Variants in NUP93 observed in about 807,000 individuals in gnomAD.
The protein encoded by NUP93 is nuclear pore complex protein Nup93.
Under a neutral mutation model 107.8 loss-of-function variants are expected in NUP93, and 55 were observed. The observed-to-expected ratio is 0.51, with a 90% CI of 0.41 to 0.64. The LOEUF is 0.64. Among genes scored for constraint, NUP93 ranks in the 30% least tolerant of loss-of-function variants. The pLI is 0.00. For missense variants in NUP93, 937 were observed against 1,044.7 expected (o/e 0.90, Z 1.42); for synonymous variants, 390 against 397.5 (o/e 0.98, Z 0.22).
chr16:56,771,523 CCTGCCTTTCCT>C (rs1324922358), intron 3 of NUP93, among the ~76,000 whole-genome samples: 95 of 152,240 alleles, frequency 6.2e-4, no homozygotes, highest in African/African-American at 2.1e-3. Flanking sequence ...ATGTTTTGTC[CCTGCCTTTCCT>C]CTGACCATTT....
In NUP93 at chr16:56,849,917, G is replaced by A. The variant is rs1015995284; in HGVS notation, c.*5308G>A. On this transcript the variant is annotated 3_prime_UTR_variant, in exon 22 of 22. Transcript: ENST00000308159. ...GCAGGCAGCTGAGCGGGATAATGTG[G>A]GCCCCAGTTGACCTCAGTGGCTGTC... is the stretch of plus-strand genomic sequence containing the variant. 2.6e-5 allele frequency: 4 copies of A among 152,200 alleles called. No individual in the cohort carries two copies. The highest frequency in any genetic ancestry group is 5.9e-5 in the Non-Finnish European group (4 of 68,038). The allele number at this position is 152,200 out of a possible 1,614,324, so 9.4% of individuals were successfully genotyped here. A position where few individuals can be genotyped will look rare whatever the true frequency, so the allele number is the denominator to read the frequency against.
At chr16:56,750,592 A>G (rs1961899929) in intron 2 of NUP93, among the ~76,000 whole-genome samples, 1 of 152,202 alleles carries the variant, frequency 6.6e-6, no homozygotes, top group Admixed American at 6.5e-5. Flanking sequence ...ACACATGAAG[A>G]AGAGTATGCT....
intron 3 of NUP93, chr16:56,781,781 T>G (rs1299813624): frequency 1.0e-6 from 1 of 978,186 alleles, no homozygotes; most frequent in African/African-American, 1.8e-5. Context: ...AAATCTTAAC[T>G]TGGTACAGTC....
At chr16:56,822,956 A>G (rs1330859109) in intron 7 of NUP93, among the ~76,000 whole-genome samples, 1 of 152,216 alleles carries the variant, frequency 6.6e-6, no homozygotes, top group African/African-American at 2.4e-5. Context: ...TTTGCTTTGG[A>G]ACAAGTATAA....
At chr16:56,811,555 G>C (rs767060086) in intron 5 of NUP93, among the ~76,000 whole-genome samples, 9 of 151,656 alleles carry the variant, frequency 5.9e-5, no homozygotes, top group Non-Finnish European at 1.2e-4. Flanking sequence ...CTGTCACCCA[G>C]GCTGGAGTGG....
Position 56,832,319 on chromosome 16 carries a change from G to A in NUP93, c.1276G>A (p.Asp426Asn), listed in dbSNP as rs771500693. The change falls in exon 12 of 22, where the codon GAT becomes AAT. Residue 426 changes from aspartate (D) to asparagine (N), a missense_variant. Physicochemically the swap from Asp to Asn is conservative, Grantham distance 23. Transcript: ENST00000308159. ...GTTGAACCAAGTGTGTTTTGACGAC[G>A]ATGGCACCAGCTCCCCACAAGACAG... ...LKLNQVCFDD[D>N]GTSSPQDRLT... is the part of the protein sequence containing the mutation. 5 of 1,614,090 alleles carry A rather than the reference G, an allele frequency of 3.1e-6. No homozygotes were observed. The highest frequency in any genetic ancestry group is 4.5e-5 in the East Asian group (2 of 44,888).
intron 5 of NUP93, among the ~76,000 whole-genome samples, chr16:56,808,217 G>GTTATA (rs1567398425): frequency 1.4e-4 from 5 of 36,416 alleles, no homozygotes; most frequent in East Asian, 1.0e-3. Flanking sequence ...ATATAGTTAT[G>GTTATA]TAACTATATA....
intron 3 of NUP93, among the ~76,000 whole-genome samples, chr16:56,767,097 G>A (rs1962229126): frequency 6.6e-6 from 1 of 152,218 alleles, no homozygotes; most frequent in African/African-American, 2.4e-5. Context: ...GCCATGCTGG[G>A]GCTAAGGCCC....
At chr16:56,832,247 C>A in intron 11 of NUP93, 48 bp from the exon 12 acceptor site, 1 of 1,488,984 alleles carries the variant, frequency 6.7e-7, no homozygotes, top group Non-Finnish European at 9.4e-7. Context: ...GTGCATGTGG[C>A]TCAGGGTGTC....
chr16:56,824,781 A>C (rs1411030382), intron 8 of NUP93, among the ~76,000 whole-genome samples: 4 of 149,594 alleles, frequency 2.7e-5, no homozygotes, highest in African/African-American at 9.7e-5. Context: ...TATTAATTAC[A>C]TGAGAGCTAC....
intron 6 of NUP93, 48 bp from the exon 7 acceptor site, chr16:56,821,456 A>G: frequency 7.7e-7 from 1 of 1,305,032 alleles, no homozygotes; most frequent in East Asian, 2.3e-5. Context: ...GTTTAAAAAG[A>G]AGAGAAAATA....
At chr16:56,763,749 C>T (rs1239559371) in intron 3 of NUP93, among the ~76,000 whole-genome samples, 1 of 152,062 alleles carries the variant, frequency 6.6e-6, no homozygotes, top group African/African-American at 2.4e-5. Context: ...GACAAAACTT[C>T]CTGAATGTTC....
chr16:56,736,263 G>A (rs1278367956), intron 1 of NUP93, among the ~76,000 whole-genome samples: 1 of 152,176 alleles, frequency 6.6e-6, no homozygotes, highest in Admixed American at 6.5e-5. Context: ...AAACCGGGAG[G>A]TGGAGGTTGC....
intron 4 of NUP93, 169 bp from the exon 5 acceptor site, chr16:56,805,335 A>G: frequency 4.3e-6 from 3 of 702,064 alleles, no homozygotes; most frequent in Non-Finnish European, 6.8e-6. Flanking sequence ...GGTGTAAACC[A>G]CCACGCTCAG....
chr16:56,847,766 A>AAATG lies in NUP93; in HGVS notation c.*3157_*3158insAATG, dbSNP rs1964133298. Reference sequence around the variant, plus strand: ...GAGCTGGGCGGGCTCATCAAAGAGCAGGAAGTGCCCATTTTACACTGGGGC... The same window carrying AAATG: ...GAGCTGGGCGGGCTCATCAAAGAGCAAATGGGAAGTGCCCATTTTACACTGGGGC... On this transcript the variant is annotated 3_prime_UTR_variant, in exon 22 of 22. Coordinates refer to ENST00000308159, the MANE Select transcript of NUP93 (RefSeq NM_014669.5). 1 of 152,180 alleles carries AAATG rather than the reference A, an allele frequency of 6.6e-6. No individual in the cohort carries two copies. Among genetic ancestry groups the AAATG allele is most frequent in the Non-Finnish European group, 1.5e-5 (1 of 68,032 alleles). The allele number at this position is 152,180 out of a possible 1,614,324, so 9.4% of individuals were successfully genotyped here. A position where few individuals can be genotyped will look rare whatever the true frequency, so the allele number is the denominator to read the frequency against.
chr16:56,836,765 C>A, intron 17 of NUP93, 48 bp downstream of exon 17: 1 of 1,258,114 alleles, frequency 7.9e-7, no homozygotes, highest in Non-Finnish European at 1.2e-6. Context: ...GTCTGCTGGC[C>A]TTTTGGCATT....
chr16:56,840,270 T>G (rs1210785307), intron 20 of NUP93, among the ~76,000 whole-genome samples: 1 of 152,194 alleles, frequency 6.6e-6, no homozygotes, highest in Non-Finnish European at 1.5e-5. Flanking sequence ...TCTGCCCGCC[T>G]CGGCCTCCCA....
chr16:56,756,918 T>G (rs928262219), intron 2 of NUP93, among the ~76,000 whole-genome samples: 2 of 152,168 alleles, frequency 1.3e-5, no homozygotes, highest in Non-Finnish European at 2.9e-5. Context: ...TTTTCATATG[T>G]TTGTTGGCTG....
intron 3 of NUP93, among the ~76,000 whole-genome samples, chr16:56,779,586 CT>C (rs1285807435): frequency 1.3e-5 from 2 of 152,142 alleles, no homozygotes; most frequent in African/African-American, 4.8e-5. Flanking sequence ...ATTCAGGCAT[CT>C]GGGGTCTGAA....
Sources: gnomAD v4.1 joint callset for allele counts (sites outside exome capture counted in the v4.1 genomes callset) on GRCh38, gnomAD v4.1.1 for gene constraint, MANE v1.5 for transcripts, NCBI Gene and HGNC (gene_info 2026-07-23, HGNC 2026-07-21) for gene names.